The following ZNF560 variants were observed in gnomAD, a reference collection of about 807,000 sequenced individuals.
ZNF560 encodes the protein zinc finger protein 560.
A neutral mutation model predicts 81.8 loss-of-function variants in ZNF560; 54 were observed. The ratio of observed to expected loss-of-function variants is 0.66; its 90% confidence interval spans 0.53 to 0.83. The LOEUF (loss-of-function observed/expected upper bound fraction) is 0.83. Among genes scored for constraint, ZNF560 ranks in the 40% least tolerant of loss-of-function variants. The pLI is 0.00. For synonymous variants in ZNF560, 321 were observed against 317.9 expected (o/e 1.01, Z -0.10); for missense variants, 940 against 932.4 (o/e 1.01, Z -0.11).
chr19:9,459,710 G>A, the ZNF560 span, among the ~76,000 whole-genome samples: 1 of 152,116 alleles, frequency 6.6e-6, no homozygotes, highest in African/African-American at 2.4e-5. Context: ...GGATGTGGGG[G>A]TAGAAAGGTA....
chr19:9,493,274 A>G (rs758818595), intron 2 of ZNF560, among the ~76,000 whole-genome samples: 15 of 152,232 alleles, frequency 9.9e-5, no homozygotes, highest in Non-Finnish European at 1.8e-4. Context: ...GGAAAATACA[A>G]AAAATGTTCA....
chr19:9,475,712 T>C (rs912890444), intron 2 of ZNF560, among the ~76,000 whole-genome samples: 2 of 151,756 alleles, frequency 1.3e-5, no homozygotes, highest in African/African-American at 4.8e-5. Flanking sequence ...GTTCACGCCA[T>C]TCTCCTGCCT....
intron 2 of ZNF560, among the ~76,000 whole-genome samples, chr19:9,489,759 T>G (rs973154706): frequency 6.6e-6 from 1 of 152,094 alleles, no homozygotes; most frequent in Non-Finnish European, 1.5e-5. Context: ...CCAGCTAATT[T>G]TTTTGTATTT....
At chr19:9,461,645 G>T (rs545850410), downstream of ZNF560, among the ~76,000 whole-genome samples, 149 of 152,226 alleles carry the variant, frequency 9.8e-4, 1 homozygote, top group Non-Finnish European at 1.6e-3. Flanking sequence ...TCAAATCAAT[G>T]ATCTCCAACC....
At chr19:9,482,309 G>A (rs1396916468) in intron 2 of ZNF560, among the ~76,000 whole-genome samples, 1 of 151,926 alleles carries the variant, frequency 6.6e-6, no homozygotes, top group Non-Finnish European at 1.5e-5. Context: ...AGCATTAGGA[G>A]AAATACCTAA....
Position 9,466,946 on chromosome 19 carries a change from C to G in ZNF560, c.2001G>C (p.Arg667Ser). Reference sequence around the variant, plus strand: ...TTAAGTGTTGAGTTAGTACACAAGACCTACTGTAAGCTTTTTCACATGCAT... The same window carrying G: ...TTAAGTGTTGAGTTAGTACACAAGAGCTACTGTAAGCTTTTTCACATGCAT... The part of the protein sequence containing the change: ...KCNACEKAYS[R>S]SCVLTQHLKT... Residue 667 changes from arginine to serine, a missense_variant, in exon 10 of 10, where the codon AGG becomes AGC. By Grantham distance (110) the Arg-to-Ser change is moderately radical. Transcript: ENST00000301480. 6.2e-7 allele frequency: 1 copy of G among 1,614,028 alleles called. No homozygotes were observed. The highest frequency in any genetic ancestry group is 2.2e-5 in the East Asian group (1 of 44,870).
intron 2 of ZNF560, among the ~76,000 whole-genome samples, chr19:9,488,990 C>T (rs1419822467): frequency 1.3e-5 from 2 of 152,220 alleles, no homozygotes; most frequent in East Asian, 1.9e-4. Flanking sequence ...TCCTGCTTCA[C>T]CTTCTGCCAT....
chr19:9,447,074 C>T, the ZNF560 span, among the ~76,000 whole-genome samples: 2 of 144,434 alleles, frequency 1.4e-5, no homozygotes, highest in African/African-American at 5.2e-5. Context: ...GCGGAGGTTG[C>T]AGTGGGCCAA....
At position 9,466,403 on chromosome 19, in the gene ZNF560, GT is replaced by G. The variant is rs1424238374; in HGVS notation, c.*170del. 1.5e-5 allele frequency: 9 copies of G among 588,598 alleles called. No homozygotes were observed. The highest frequency in any genetic ancestry group is 2.0e-5 in the Non-Finnish European group (7 of 346,992). The allele number at this position is 588,598 out of a possible 1,614,324, so 36.5% of individuals were successfully genotyped here. On this transcript the variant is annotated 3_prime_UTR_variant, in exon 10 of 10. Transcript: ENST00000301480. ...TTCCTACATCCCTTACATTTACAGG[GT>G]TTCTCTACAGTGTGAGTTTGTACAT... is the stretch of plus-strand genomic sequence containing the variant.
chr19:9,452,712 C>T, the ZNF560 span, among the ~76,000 whole-genome samples: 11 of 152,120 alleles, frequency 7.2e-5, no homozygotes, highest in African/African-American at 1.9e-4. Context: ...ATGGATACAA[C>T]GATGGGAACA....
chr19:9,493,388 G>A (rs1483784205), intron 2 of ZNF560, among the ~76,000 whole-genome samples: 1 of 152,116 alleles, frequency 6.6e-6, no homozygotes, highest in East Asian at 1.9e-4. Context: ...TTTTTGAGAC[G>A]GAATCTCACT....
chr19:9,467,675 T>A lies in ZNF560; in HGVS notation c.1272A>T (p.Arg424Ser). The A allele has an allele frequency of 1.2e-6, 2 of 1,614,088 alleles. No individual in the cohort carries two copies. Among genetic ancestry groups the A allele is most frequent in the South Asian group, 1.1e-5 (1 of 91,076 alleles). ...GTSAGLIEHIRCHAREKTFKC... is the reference protein window; with the variant it reads ...GTSAGLIEHISCHAREKTFKC... ...TAAAGGTTTTCTCTCTGGCGTGACATCTTATATGTTCAATAAGGCCTGCAG... is the reference window on the plus strand; with the variant it reads ...TAAAGGTTTTCTCTCTGGCGTGACAACTTATATGTTCAATAAGGCCTGCAG... Residue 424 changes from arginine (R) to serine (S), a missense_variant, in exon 10 of 10, where the codon AGA (arginine) becomes AGT (serine). By Grantham distance (110) the Arg-to-Ser change is moderately radical (BLOSUM62 -1). Coordinates refer to ENST00000301480, the MANE Select transcript of ZNF560 (RefSeq NM_152476.3).
At chr19:9,475,142 G>C (rs2073180833) in intron 3 of ZNF560, 142 bp downstream of exon 3, 2 of 792,726 alleles carry the variant, frequency 2.5e-6, no homozygotes, top group Non-Finnish European at 4.1e-6. Flanking sequence ...CCACTCCCTG[G>C]GGAAATTCAA....
intron 2 of ZNF560, among the ~76,000 whole-genome samples, chr19:9,480,057 AC>A (rs2144705162): frequency 6.6e-6 from 1 of 152,344 alleles, no homozygotes; most frequent in East Asian, 1.9e-4. Context: ...TGAACAACGG[AC>A]AGATCATTCA....
chr19:9,448,226 G>A, the ZNF560 span, among the ~76,000 whole-genome samples: 1 of 147,526 alleles, frequency 6.8e-6, no homozygotes, highest in Non-Finnish European at 1.5e-5. Context: ...GTGTGCGTGT[G>A]GCGGGGGGTT....
rs552216492 is a variant in ZNF560 at position 9,475,939 on chromosome 19, T to C, written c.-56-570A>G. On this transcript the variant is annotated intron_variant, in intron 2 of 9. Coordinates refer to ENST00000301480, the MANE Select transcript of ZNF560 (RefSeq NM_152476.3). ...AAACTTAAGACCTGAGGAATGTAAG[T>C]CTTTTTGTGCCCATGGTGATATAAC... Among the ~76,000 whole-genome samples the C allele has an allele frequency of 7.9e-5, 12 of 152,160 alleles. No homozygotes were observed. In the South Asian group the frequency reaches 2.5e-3, roughly 32 times the overall value.
chr19:9,462,863 G>C (rs561265198), downstream of ZNF560, among the ~76,000 whole-genome samples: 10 of 152,284 alleles, frequency 6.6e-5, no homozygotes, highest in East Asian at 9.6e-4. Context: ...AGTAAGGCAA[G>C]ATCATCAAAG....
the ZNF560 span, among the ~76,000 whole-genome samples, chr19:9,455,300 G>T: frequency 6.6e-6 from 1 of 152,204 alleles, no homozygotes; most frequent in Non-Finnish European, 1.5e-5. Context: ...CCAGTCAGAT[G>T]ATTCCCATTG....
chr19:9,465,931 T>C (rs923735095), downstream of ZNF560, among the ~76,000 whole-genome samples: 4 of 151,674 alleles, frequency 2.6e-5, no homozygotes, highest in African/African-American at 9.7e-5. Flanking sequence ...GAGGCGGAGG[T>C]TGCAGTGAGC....
Sources: gnomAD v4.1 joint callset for allele counts (sites outside exome capture counted in the v4.1 genomes callset) on GRCh38, gnomAD v4.1.1 for gene constraint, MANE v1.5 for transcripts, NCBI Gene and HGNC (gene_info 2026-07-23, HGNC 2026-07-21) for gene names.